Variants in XPO4 observed in about 807,000 individuals in gnomAD.
XPO4 encodes exportin-4.
Under a neutral mutation model 143.0 loss-of-function variants are expected in XPO4, and 39 were observed. The observed-to-expected ratio is 0.27, with a 90% CI of 0.21 to 0.36. The LOEUF (loss-of-function observed/expected upper bound fraction) is 0.36, where lower values mean the gene tolerates loss of function less well. XPO4 is among the 10% of genes least tolerant of loss of function. The pLI is 1.00. For synonymous variants in XPO4, 439 were observed against 474.0 expected (o/e 0.93, Z 0.96); for missense variants, 907 against 1,348.0 (o/e 0.67, Z 5.12).
chr13:20,814,768 T>C (rs2059627651), intron 9 of XPO4, among the ~76,000 whole-genome samples: 1 of 152,210 alleles, frequency 6.6e-6, no homozygotes, highest in South Asian at 2.1e-4. Context: ...CTTACGAGAC[T>C]ACTTGACCCC....
At chr13:20,832,397 CA>C (rs947668441) in intron 6 of XPO4, among the ~76,000 whole-genome samples, 20 of 152,042 alleles carry the variant, frequency 1.3e-4, no homozygotes, top group Non-Finnish European at 2.1e-4. Flanking sequence ...GAATGACACT[CA>C]AAAAAATAAT....
At chr13:20,811,111 G>A (rs2059576276) in intron 9 of XPO4, among the ~76,000 whole-genome samples, 2 of 152,084 alleles carry the variant, frequency 1.3e-5, no homozygotes, top group Non-Finnish European at 2.9e-5. Flanking sequence ...ATCGCAGAGA[G>A]AGCCGGTGGA....
At chr13:20,879,418 G>T in intron 1 of XPO4, 1 of 696,186 alleles carries the variant, frequency 1.4e-6, no homozygotes, top group Non-Finnish European at 1.8e-6. Flanking sequence ...GCAGGCCTAT[G>T]ACAGGTCTCT....
intron 1 of XPO4, among the ~76,000 whole-genome samples, chr13:20,896,887 C>T (rs1010361918): frequency 2.0e-5 from 3 of 152,202 alleles, no homozygotes; most frequent in Non-Finnish European, 2.9e-5. Context: ...TTGTTTTAAT[C>T]ATAAAATGCT....
At chr13:20,847,843 G>A (rs1803576008) in intron 4 of XPO4, among the ~76,000 whole-genome samples, 1 of 152,124 alleles carries the variant, frequency 6.6e-6, no homozygotes, top group African/African-American at 2.4e-5. Flanking sequence ...ACTTCTAAGA[G>A]GTTAATACAA....
intron 2 of XPO4, chr13:20,866,242 C>A: frequency 1.1e-6 from 1 of 911,816 alleles, no homozygotes; most frequent in South Asian, 5.0e-5. Flanking sequence ...ACAGATACAC[C>A]ACACACACAC....
At position 20,800,337 on chromosome 13, in the gene XPO4, A is replaced by T. The variant is rs780552696; in HGVS notation, c.1978-12T>A. 1.6e-5 allele frequency: 25 copies of T among 1,594,472 alleles called. 1 individual carries two copies. The Admixed American group carries it at 4.5e-4, about 29-fold the overall frequency. ...AATGGCAGACTTATCTTAAGAGAGG[A>T]AACAAATTTTTTAAGGTAAGCAAGA... On this transcript the variant is annotated splice_polypyrimidine_tract_variant and intron_variant, in intron 14 of 22. Coordinates refer to ENST00000255305, the MANE Select transcript of XPO4 (RefSeq NM_022459.5).
At chr13:20,793,036 C>T (rs2059308025) in intron 18 of XPO4, among the ~76,000 whole-genome samples, 1 of 152,092 alleles carries the variant, frequency 6.6e-6, no homozygotes, top group Admixed American at 6.5e-5. Context: ...GTGATCCACC[C>T]GCCTCAGCCT....
At chr13:20,836,416 C>T (rs1380093036) in intron 6 of XPO4, among the ~76,000 whole-genome samples, 1 of 152,186 alleles carries the variant, frequency 6.6e-6, no homozygotes, top group Non-Finnish European at 1.5e-5. Context: ...CTCCCATCCA[C>T]TTGTCTTAAT....
intron 9 of XPO4, among the ~76,000 whole-genome samples, chr13:20,813,044 G>A (rs1345773046): frequency 6.6e-6 from 1 of 152,128 alleles, no homozygotes; most frequent in Non-Finnish European, 1.5e-5. Context: ...GAGGCCTCAG[G>A]AAACTTACAA....
intron 22 of XPO4, among the ~76,000 whole-genome samples, chr13:20,786,299 G>A (rs200151612): frequency 4.7e-5 from 3 of 64,424 alleles, no homozygotes; most frequent in Non-Finnish European, 6.7e-5. Flanking sequence ...ATATATATAC[G>A]TGTGTGTGTA....
At chr13:20,885,365 A>G (rs924971741) in intron 1 of XPO4, among the ~76,000 whole-genome samples, 6 of 152,220 alleles carry the variant, frequency 3.9e-5, no homozygotes, top group African/African-American at 1.2e-4. Context: ...GGTCAATAAG[A>G]TATTAAAACT....
chr13:20,859,466 G>A (rs2060176375), intron 3 of XPO4, among the ~76,000 whole-genome samples: 1 of 152,198 alleles, frequency 6.6e-6, no homozygotes, highest in Non-Finnish European at 1.5e-5. Flanking sequence ...CAGGCGTGGT[G>A]GTGGGCACCT....
intron 4 of XPO4, among the ~76,000 whole-genome samples, chr13:20,853,268 C>T (rs186672671): frequency 1.4e-5 from 2 of 144,656 alleles, no homozygotes; most frequent in East Asian, 4.1e-4. Flanking sequence ...GAGGTCGGGG[C>T]TGCAGTGAGC....
At chr13:20,863,968 G>T (rs1275519928) in intron 2 of XPO4, among the ~76,000 whole-genome samples, 1 of 152,066 alleles carries the variant, frequency 6.6e-6, no homozygotes, top group Non-Finnish European at 1.5e-5. Context: ...ATGAGAAAAG[G>T]TGTACCCTAT....
chr13:20,893,515 G>A (rs1385064305), intron 1 of XPO4, among the ~76,000 whole-genome samples: 1 of 152,124 alleles, frequency 6.6e-6, no homozygotes, highest in Non-Finnish European at 1.5e-5. Flanking sequence ...CGAGGTGGGA[G>A]GATCACGAGG....
rs771067742 is a variant in XPO4 at position 20,796,995 on chromosome 13, C to T, written c.2385G>A (p.Met795Ile). The T allele has an allele frequency of 6.2e-7, 1 of 1,612,960 alleles. No individual in the cohort carries two copies. The highest frequency in any genetic ancestry group is 2.2e-5 in the East Asian group (1 of 44,848). Residue 795 changes from methionine (M) to isoleucine (I), a missense_variant, in exon 17 of 23, where the codon ATG becomes ATA. Coordinates refer to ENST00000255305, the MANE Select transcript of XPO4 (RefSeq NM_022459.5). Reference protein sequence around the residue: ...RVINQENFQQMCQQEEVKQEI... With the variant: ...RVINQENFQQICQQEEVKQEI... ...CCTGCTTGACTTCCTCTTGCTGACA[C>T]ATCTGCTGGAAGTTTTCTTGGTTTA... is the stretch of plus-strand genomic sequence containing the variant.
Position 20,809,071 on chromosome 13 carries a change from G to T in XPO4, c.1493+12C>A. 2 of 1,609,264 alleles carry T rather than the reference G, an allele frequency of 1.2e-6. No individual in the cohort carries two copies. The highest frequency in any genetic ancestry group is 1.7e-4 in the Middle Eastern group (1 of 5,982). Reference sequence around the variant, plus strand: ...ATATTTGCTCCATGGGGTTTCTTTGGACTGTGTGTACCTTGTCAGAAGAGG... The same window carrying T: ...ATATTTGCTCCATGGGGTTTCTTTGTACTGTGTGTACCTTGTCAGAAGAGG... On this transcript the variant is annotated intron_variant, in intron 11 of 22. Coordinates refer to ENST00000255305, the MANE Select transcript of XPO4 (RefSeq NM_022459.5).
chr13:20,880,939 T>G (rs181698613), intron 1 of XPO4, among the ~76,000 whole-genome samples: 3 of 124,484 alleles, frequency 2.4e-5, no homozygotes, highest in Non-Finnish European at 4.9e-5. Flanking sequence ...GCCTGGGTAA[T>G]AGAGCAAGAC....
Sources: gnomAD v4.1 joint callset for allele counts (sites outside exome capture counted in the v4.1 genomes callset) on GRCh38, gnomAD v4.1.1 for gene constraint, MANE v1.5 for transcripts, NCBI Gene and HGNC (gene_info 2026-07-23, HGNC 2026-07-21) for gene names.